The following MESD variants were observed in gnomAD, a reference collection of about 807,000 sequenced individuals.
MESD encodes mesoderm development LRP chaperone, also known as LRP chaperone MESD.
Under a neutral mutation model 12.9 loss-of-function variants are expected in MESD, and 7 were observed. The observed-to-expected ratio is 0.54, with a 90% CI of 0.31 to 1.02. MESD has a LOEUF of 1.02. Among genes scored for constraint, MESD ranks in the 50% least tolerant of loss-of-function variants. The pLI is 0.05. For missense variants in MESD, 342 were observed against 296.7 expected (o/e 1.15, Z -1.12); for synonymous variants, 126 against 115.6 (o/e 1.09, Z -0.58).
Position 80,982,024 on chromosome 15 carries a change from A to AG in MESD, c.371dup (p.Thr125TyrfsTer2). 1 of 1,614,152 alleles carries AG rather than the reference A, an allele frequency of 6.2e-7. No homozygotes were observed. Among genetic ancestry groups the AG allele is most frequent in the Non-Finnish European group, 8.5e-7 (1 of 1,180,038 alleles). On this transcript the variant is annotated frameshift_variant, in exon 2 of 3. Coordinates refer to ENST00000261758, the MANE Select transcript of MESD (RefSeq NM_015154.3). LOFTEE classifies it high-confidence loss of function. Reference sequence around the variant, plus strand: ...TAATTTCCTCTGTCTCCTTCTCAGTAGGGCTTCCTGATACAGTGACAAACA... The same window carrying AG: ...TAATTTCCTCTGTCTCCTTCTCAGTAGGGGCTTCCTGATACAGTGACAAACA...
intron 1 of MESD, among the ~76,000 whole-genome samples, chr15:80,986,607 T>C (rs1902739995): frequency 6.6e-6 from 1 of 152,196 alleles, no homozygotes; most frequent in African/African-American, 2.4e-5. Flanking sequence ...CTACCCTTAG[T>C]CTGGGTAACC....
downstream of MESD, among the ~76,000 whole-genome samples, chr15:80,974,248 C>A (rs148610310): frequency 1.4e-4 from 22 of 152,228 alleles, no homozygotes; most frequent in East Asian, 4.1e-3. Flanking sequence ...GCGAAGCAGA[C>A]AACGCTCAGA....
chr15:80,972,275 C>T (rs950366017), downstream of MESD, among the ~76,000 whole-genome samples: 2 of 152,138 alleles, frequency 1.3e-5, no homozygotes, highest in African/African-American at 4.8e-5. Flanking sequence ...CTCAGGAGGT[C>T]GAACACTTAG....
exon 4 of MESD, chr15:80,952,218 A>T (rs1030240387): frequency 4.4e-6 from 2 of 456,144 alleles, no homozygotes; most frequent in Non-Finnish European, 8.8e-6. Flanking sequence ...TGGGAAAAAC[A>T]GGTCCAAATC....
At position 80,979,074 on chromosome 15, in the gene MESD, C is replaced by T. The variant is rs1596234673; in HGVS notation, c.*145G>A. The T allele has an allele frequency of 3.5e-6, 4 of 1,132,006 alleles. No homozygotes were observed. Among genetic ancestry groups the T allele is most frequent in the Admixed American group, 4.7e-5 (2 of 42,694 alleles). 70.1% of individuals were successfully genotyped at this position (1,132,006 alleles called of 1,614,324 possible). ...CTATTAAGCAGTAATTCTTTGACCA[C>T]AAACTGGTCATGTGGCAGACCCTTT... On this transcript the variant is annotated 3_prime_UTR_variant, in exon 3 of 3. Transcript: ENST00000261758.
chr15:80,962,458 G>A (rs960360677), intron 3 of MESD, among the ~76,000 whole-genome samples: 4 of 152,086 alleles, frequency 2.6e-5, no homozygotes, highest in African/African-American at 9.7e-5. Context: ...GGATATCCAG[G>A]ACTTGAACTC....
intron 3 of MESD, among the ~76,000 whole-genome samples, chr15:80,959,357 G>A (rs971147805): frequency 1.1e-4 from 16 of 152,236 alleles, no homozygotes; most frequent in African/African-American, 3.9e-4. Flanking sequence ...CTGGGAGGAT[G>A]TGTGAGGCTT....
intron 1 of MESD, among the ~76,000 whole-genome samples, chr15:80,987,459 T>C (rs1411034166): frequency 1.3e-5 from 2 of 151,674 alleles, no homozygotes; most frequent in African/African-American, 4.8e-5. Flanking sequence ...ATGAAGTAGC[T>C]AGTGAGGGGT....
intron 3 of MESD, among the ~76,000 whole-genome samples, chr15:80,954,509 C>T (rs1901924356): frequency 6.6e-6 from 1 of 152,136 alleles, no homozygotes; most frequent in Non-Finnish European, 1.5e-5. Context: ...GTGGGAAGGG[C>T]TTAATCCTGG....
At chr15:80,985,863 C>T (rs971294820) in intron 1 of MESD, among the ~76,000 whole-genome samples, 19 of 151,872 alleles carry the variant, frequency 1.3e-4, no homozygotes, top group Admixed American at 3.3e-4. Context: ...CCATGTTGCC[C>T]AGGCTGGTCT....
chr15:80,965,597 T>A (rs900029834), intron 3 of MESD, among the ~76,000 whole-genome samples: 1 of 152,146 alleles, frequency 6.6e-6, no homozygotes, highest in African/African-American at 2.4e-5. Context: ...ATGTGGCACA[T>A]ACACACCATG....
chr15:80,989,664 T>C lies in MESD; in HGVS notation c.128A>G (p.Glu43Gly), dbSNP rs201646678. The C allele has an allele frequency of 1.2e-4, 196 of 1,613,572 alleles. 1 individual carries two copies. In the East Asian group the frequency reaches 4.3e-3, roughly 35 times the overall value. Residue 43 changes from glutamate to glycine, a missense_variant, in exon 1 of 3, where the codon GAG (glutamate) becomes GGG (glycine). Physicochemically the swap from Glu to Gly is moderately conservative, Grantham distance 98 (BLOSUM62 -2). Coordinates refer to ENST00000261758, the MANE Select transcript of MESD (RefSeq NM_015154.3). ...CTTCTTCCGGGGAGGTGGGGTAGAC[T>C]CGTCGGGCGTCCCGGGCGAGCCTTC... ...AAEGSPGTPD[E>G]STPPPRKKKK...
Position 80,978,907 on chromosome 15 carries a change from A to C in MESD, c.*312T>G. On this transcript the variant is annotated 3_prime_UTR_variant, in exon 3 of 3. Coordinates refer to ENST00000261758, the MANE Select transcript of MESD (RefSeq NM_015154.3). ...CAGCAGGTGCTTGGAGGGGAGTGGAATCTCAGTAGAGTTGATGACTCACCA... is the reference window on the plus strand; with the variant it reads ...CAGCAGGTGCTTGGAGGGGAGTGGACTCTCAGTAGAGTTGATGACTCACCA... 1 of 372,412 alleles carries C rather than the reference A, an allele frequency of 2.7e-6. No homozygotes were observed. The highest frequency in any genetic ancestry group is 4.9e-6 in the Non-Finnish European group (1 of 205,160). 23.1% of individuals were successfully genotyped at this position (372,412 alleles called of 1,614,324 possible).
chr15:80,983,624 C>G (rs1038996174), intron 1 of MESD, among the ~76,000 whole-genome samples: 4 of 152,078 alleles, frequency 2.6e-5, no homozygotes, highest in Non-Finnish European at 4.4e-5. Flanking sequence ...TTTAAAAGAG[C>G]GTGGGTTCCT....
chr15:80,948,624 T>G, exon 5 of MESD: 1 of 847,110 alleles, frequency 1.2e-6, no homozygotes, highest in Non-Finnish European at 1.9e-6. Flanking sequence ...TACAAACACA[T>G]GTCAGGCACC....
intron 4 of MESD, chr15:80,951,192 C>T (rs1901807023): frequency 1.3e-5 from 2 of 152,648 alleles, no homozygotes; most frequent in Admixed American, 1.3e-4. Flanking sequence ...CTGTGAACCA[C>T]TTAGGATGTG....
intron 2 of MESD, among the ~76,000 whole-genome samples, chr15:80,980,444 A>G (rs1005700063): frequency 6.6e-6 from 1 of 152,234 alleles, no homozygotes; most frequent in Non-Finnish European, 1.5e-5. Context: ...ATCGGTTAAC[A>G]GCATGGTCCA....
At chr15:80,952,493 A>G (rs905178694) in intron 3 of MESD, among the ~76,000 whole-genome samples, 11 of 152,206 alleles carry the variant, frequency 7.2e-5, no homozygotes, top group African/African-American at 2.4e-5. Flanking sequence ...ATGTGTGTCT[A>G]GTGGCTACCA....
At chr15:80,967,860 G>A (rs1346179668) in intron 3 of MESD, among the ~76,000 whole-genome samples, 2 of 152,228 alleles carry the variant, frequency 1.3e-5, no homozygotes, top group Non-Finnish European at 2.9e-5. Context: ...AAAATTGCAA[G>A]TTGGGCTGCT....
Sources: allele counts gnomAD v4.1 joint callset (sites outside exome capture counted in the v4.1 genomes callset), GRCh38; gene constraint gnomAD v4.1.1; transcripts MANE v1.5; gene names NCBI Gene and HGNC (gene_info 2026-07-23, HGNC 2026-07-21).